Variants in COL19A1 observed in about 807,000 individuals in gnomAD.
The protein encoded by COL19A1 is collagen type XIX alpha 1 chain.
A neutral mutation model predicts 190.2 loss-of-function variants in COL19A1; 159 were observed. The observed-to-expected ratio is 0.84, with a 90% CI of 0.73 to 0.95. The LOEUF is 0.95. COL19A1 is among the 40% of genes least tolerant of loss of function. The pLI, the probability that COL19A1 is intolerant of heterozygous loss-of-function variation, is 0.00. For missense variants in COL19A1, 1,418 were observed against 1,431.9 expected, an observed-to-expected ratio of 0.99 and a Z score of 0.16; for synonymous variants, 509 against 458.9, an observed-to-expected ratio of 1.11 and a Z score of -1.39.
At chr6:70,044,452 TG>T (rs1381885452) in intron 14 of COL19A1, among the ~76,000 whole-genome samples, 1 of 152,206 alleles carries the variant, frequency 6.6e-6, no homozygotes, top group East Asian at 1.9e-4. Context: ...TAGCTTTTGG[TG>T]TATCTCAGCT....
At chr6:70,137,025 C>T (rs1785913680) in intron 18 of COL19A1, among the ~76,000 whole-genome samples, 1 of 151,972 alleles carries the variant, frequency 6.6e-6, no homozygotes, top group Admixed American at 6.6e-5. Context: ...AGTGATATAA[C>T]TCCTTTCTTA....
chr6:70,198,033 T>C (rs1434812035), intron 48 of COL19A1, among the ~76,000 whole-genome samples: 1 of 152,246 alleles, frequency 6.6e-6, no homozygotes, highest in East Asian at 1.9e-4. Context: ...TCCTCAGAAG[T>C]AATTTACTCT....
intron 2 of COL19A1, among the ~76,000 whole-genome samples, chr6:69,891,657 C>T (rs1769361954): frequency 6.6e-6 from 1 of 152,190 alleles, no homozygotes; most frequent in Admixed American, 6.5e-5. Context: ...GTGACTTTCA[C>T]CCATAAAACA....
At chr6:69,871,559 T>C in intron 1 of COL19A1, among the ~76,000 whole-genome samples, 1 of 152,302 alleles carries the variant, frequency 6.6e-6, no homozygotes, top group East Asian at 1.9e-4. Flanking sequence ...AGCAAATAAG[T>C]GTTCTCTTTC....
At position 70,111,544 on chromosome 6, in the gene COL19A1, T is replaced by C. The variant is rs1784286563; in HGVS notation, c.1278+9322T>C. On this transcript the variant is annotated intron_variant, in intron 16 of 50. Transcript: ENST00000620364. ...TACTTTTCAGCATGCTTAGAATAGT[T>C]CAAATTCATTTTAAGAAGCAGGAAA... is the stretch of plus-strand genomic sequence containing the variant. Among the ~76,000 whole-genome samples, 4 of 152,296 alleles carry C rather than the reference T, an allele frequency of 2.6e-5. No individual in the cohort carries two copies. In the South Asian group the frequency reaches 8.3e-4, roughly 32 times the overall value.
In COL19A1 at chr6:70,188,766, C is replaced by A. The variant is rs562997912; in HGVS notation, c.3027+521C>A. Among the ~76,000 whole-genome samples the A allele has an allele frequency of 2.6e-5, 4 of 152,206 alleles. No individual in the cohort carries two copies. In the East Asian group the frequency reaches 5.8e-4, roughly 22 times the overall value. On this transcript the variant is annotated intron_variant, in intron 47 of 50. Coordinates refer to ENST00000620364, the MANE Select transcript of COL19A1 (RefSeq NM_001858.6). ...GCCAAGAGTGTTTAGTAAAGGAAGC[C>A]CATATCTTTATTAATCCTCAAGAGG... is the stretch of plus-strand genomic sequence containing the variant.
At chr6:69,966,247 G>A (rs1000879973) in intron 11 of COL19A1, among the ~76,000 whole-genome samples, 12 of 152,216 alleles carry the variant, frequency 7.9e-5, no homozygotes, top group East Asian at 1.9e-4. Flanking sequence ...CCCTCTGCCC[G>A]GCCGCCACCC....
At chr6:70,075,660 C>T (rs1781839192) in intron 15 of COL19A1, among the ~76,000 whole-genome samples, 1 of 152,100 alleles carries the variant, frequency 6.6e-6, no homozygotes, top group East Asian at 1.9e-4. Flanking sequence ...GGTTAAACAG[C>T]ACAGCTAGTT....
intron 15 of COL19A1, among the ~76,000 whole-genome samples, chr6:70,088,754 T>C (rs913392055): frequency 1.2e-4 from 18 of 152,172 alleles, no homozygotes; most frequent in Non-Finnish European, 2.4e-4. Context: ...AAGATCTGTG[T>C]ATAATTTTTC....
At chr6:70,179,646 G>A (rs1766039037) in intron 42 of COL19A1, among the ~76,000 whole-genome samples, 1 of 152,016 alleles carries the variant, frequency 6.6e-6, no homozygotes, top group African/African-American at 2.4e-5. Flanking sequence ...TTGATGCTTT[G>A]TGCCCATTTC....
intron 2 of COL19A1, chr6:69,890,779 G>T (rs1769289664): frequency 6.5e-6 from 1 of 152,758 alleles, no homozygotes; most frequent in African/African-American, 2.4e-5. Context: ...ATTACACAGA[G>T]TGGTCAGGGA....
At chr6:70,039,929 A>AT (rs35411164) in intron 14 of COL19A1, among the ~76,000 whole-genome samples, 98 of 148,568 alleles carry the variant, frequency 6.6e-4, no homozygotes, top group Admixed American at 3.6e-3. Flanking sequence ...TGCCCAGCTA[A>AT]TTTTTTTTTT....
At chr6:70,204,119 C>T (rs1394827003) in intron 49 of COL19A1, among the ~76,000 whole-genome samples, 1 of 152,202 alleles carries the variant, frequency 6.6e-6, no homozygotes, top group African/African-American at 2.4e-5. Flanking sequence ...TCTTGGCCTC[C>T]CAAAGTCCTG....
At chr6:69,920,457 T>C (rs893876714) in intron 4 of COL19A1, among the ~76,000 whole-genome samples, 6 of 152,138 alleles carry the variant, frequency 3.9e-5, no homozygotes, top group Admixed American at 6.6e-5. Context: ...ATCCAAGATA[T>C]ATGAATTACA....
At chr6:69,980,089 A>G (rs1234960753) in intron 11 of COL19A1, among the ~76,000 whole-genome samples, 1 of 152,048 alleles carries the variant, frequency 6.6e-6, no homozygotes, top group Non-Finnish European at 1.5e-5. Flanking sequence ...GAACAAATAA[A>G]TAACTAAAAA....
chr6:70,063,590 A>C (rs1354484251), intron 14 of COL19A1, among the ~76,000 whole-genome samples: 1 of 152,184 alleles, frequency 6.6e-6, no homozygotes, highest in Non-Finnish European at 1.5e-5. Flanking sequence ...GCAAGAGCAA[A>C]CACATTCAAA....
intron 4 of COL19A1, among the ~76,000 whole-genome samples, chr6:69,921,374 T>TATCA (rs1771805937): frequency 9.0e-6 from 1 of 111,228 alleles, no homozygotes; most frequent in Non-Finnish European, 1.7e-5. Flanking sequence ...ATATCATATA[T>TATCA]ATCATATATA....
rs547481389 is a variant in COL19A1, at chr6:69,897,624, T to C, written c.92-1324T>C. On this transcript the variant is annotated intron_variant, in intron 2 of 50. Transcript: ENST00000620364. ...CAGTTATTTAGGTCTTTAATTTCTCTCAGGCATGTTTTATAGATTTTAGTG... is the reference window on the plus strand; with the variant it reads ...CAGTTATTTAGGTCTTTAATTTCTCCCAGGCATGTTTTATAGATTTTAGTG... Among the ~76,000 whole-genome samples, 17 of 152,296 alleles carry C rather than the reference T, an allele frequency of 1.1e-4. No individual in the cohort carries two copies. In the East Asian group the frequency reaches 3.1e-3, roughly 28 times the overall value.
intron 40 of COL19A1, among the ~76,000 whole-genome samples, chr6:70,170,830 A>G (rs1417954886): frequency 6.6e-6 from 1 of 152,212 alleles, no homozygotes; most frequent in Non-Finnish European, 1.5e-5. Context: ...ATAAATAATA[A>G]TGAAGTTATA....
Sources: allele counts gnomAD v4.1 joint callset (sites outside exome capture counted in the v4.1 genomes callset), GRCh38; gene constraint gnomAD v4.1.1; transcripts MANE v1.5; gene names NCBI Gene and HGNC (gene_info 2026-07-23, HGNC 2026-07-21).